SPRYD4: variants seen among roughly 807,000 people sequenced by gnomAD.
SPRYD4 encodes the protein SPRY domain-containing protein 4.
SPRYD4 carries 12 observed loss-of-function variants against 16.6 expected under a neutral mutation model. The ratio of observed to expected loss-of-function variants is 0.72; its 90% CI spans 0.46 to 1.17. The LOEUF is 1.17. Among genes scored for constraint, SPRYD4 ranks in the 50% most tolerant of loss-of-function variants. The probability of loss-of-function intolerance (pLI) is 0.00; values close to 1 mark genes in which losing one functional copy is unlikely to be tolerated. For synonymous variants in SPRYD4, 98 were observed against 105.4 expected, an observed-to-expected ratio of 0.93 and a Z score of 0.43; for missense variants, 260 against 260.2, an observed-to-expected ratio of 1.00 and a Z score of 0.00.
In SPRYD4 at chr12:56,479,647, A is replaced by G; in HGVS notation, c.*10070A>G. On this transcript the variant is annotated 3_prime_UTR_variant, in exon 2 of 2. Coordinates refer to ENST00000338146, the MANE Select transcript of SPRYD4 (RefSeq NM_207344.4). The stretch of plus-strand genomic sequence containing the variant: ...GAACTCTTATGATGAGTATTCATGT[A>G]TAACTTATGTAATAAGTAATAAAAT... 2 of 1,105,758 alleles carry G rather than the reference A, an allele frequency of 1.8e-6. No individual in the cohort carries two copies. Among genetic ancestry groups the G allele is most frequent in the Non-Finnish European group, 2.4e-6 (2 of 817,906 alleles). 68.5% of individuals were successfully genotyped at this position (1,105,758 alleles called of 1,614,324 possible).
chr12:56,474,226 AT>A lies in SPRYD4; in HGVS notation c.*4651del. 2.9e-6 allele frequency: 1 copy of A among 340,084 alleles called. No individual in the cohort carries two copies. Among genetic ancestry groups the A allele is most frequent in the Non-Finnish European group, 5.6e-6 (1 of 179,296 alleles). The allele number at this position is 340,084 out of a possible 1,614,324, so 21.1% of individuals were successfully genotyped here. On this transcript the variant is annotated 3_prime_UTR_variant, in exon 2 of 2. Coordinates refer to ENST00000338146, the MANE Select transcript of SPRYD4 (RefSeq NM_207344.4). ...TGCCTCAGCCTCCCAAGTAGCTGGG[AT>A]TACAGGTGCACACCACCACCCCCGG...
At position 56,471,105 on chromosome 12, in the gene SPRYD4, T is replaced by C; in HGVS notation, c.*1528T>C. 1 of 370,860 alleles carries C rather than the reference T, an allele frequency of 2.7e-6. No individual in the cohort carries two copies. Among genetic ancestry groups the C allele is most frequent in the Non-Finnish European group, 4.8e-6 (1 of 208,876 alleles). 23.0% of individuals were successfully genotyped at this position (370,860 alleles called of 1,614,324 possible). A position where few individuals can be genotyped will look rare whatever the true frequency, so the allele number is the denominator to read the frequency against. ...ATAGCCATTCCCACTTCCCATATTC[T>C]GTGGATATGTACATGTGCATGGTAG... is the stretch of plus-strand genomic sequence containing the variant. On this transcript the variant is annotated 3_prime_UTR_variant, in exon 2 of 2. Transcript: ENST00000338146.
chr12:56,477,463 A>G lies in SPRYD4; in HGVS notation c.*7886A>G. ...CAGGGAACAGTACTGAGTGGGGATG[A>G]CGGAGGTGGTGCAGTCTCTTATACT... On this transcript the variant is annotated 3_prime_UTR_variant, in exon 2 of 2. Transcript: ENST00000338146. 1.9e-6 allele frequency: 1 copy of G among 538,138 alleles called. No homozygotes were observed. The highest frequency in any genetic ancestry group is 3.3e-6 in the Non-Finnish European group (1 of 300,436). The allele number at this position is 538,138 out of a possible 1,614,324, so 33.3% of individuals were successfully genotyped here. A position where few individuals can be genotyped will look rare whatever the true frequency, so the allele number is the denominator to read the frequency against.
At position 56,471,751 on chromosome 12, in the gene SPRYD4, C is replaced by T; in HGVS notation, c.*2174C>T. ...GTGGAGAAGCTGTGCCCACCCTCCT[C>T]CACTTTTAGCCTATTCCTCACCTGT... On this transcript the variant is annotated 3_prime_UTR_variant, in exon 2 of 2. Transcript: ENST00000338146. The T allele has an allele frequency of 6.2e-7, 1 of 1,613,990 alleles. No homozygotes were observed. Among genetic ancestry groups the T allele is most frequent in the Non-Finnish European group, 8.5e-7 (1 of 1,179,880 alleles).
rs369333896 is a variant in SPRYD4 at position 56,474,926 on chromosome 12, C to G, written c.*5349C>G. On this transcript the variant is annotated 3_prime_UTR_variant, in exon 2 of 2. Coordinates refer to ENST00000338146, the MANE Select transcript of SPRYD4 (RefSeq NM_207344.4). The stretch of plus-strand genomic sequence containing the variant: ...AAGGAAGAGAGGGGAGAGCATTTCT[C>G]TTCAGGACATCAGCCCTTTCACACT... 6 of 1,614,082 alleles carry G rather than the reference C, an allele frequency of 3.7e-6. No homozygotes were observed. Among genetic ancestry groups the G allele is most frequent in the Non-Finnish European group, 5.1e-6 (6 of 1,180,004 alleles).
Position 56,478,234 on chromosome 12 carries a change from T to C in SPRYD4, c.*8657T>C, listed in dbSNP as rs1423067331. ...GACACCCCACAGGTCTGGGTTTGAC[T>C]TGGCCAGCTGAGGGATGTAGGCTGC... On this transcript the variant is annotated 3_prime_UTR_variant, in exon 2 of 2. Transcript: ENST00000338146. 1 of 1,614,192 alleles carries C rather than the reference T, an allele frequency of 6.2e-7. No individual in the cohort carries two copies. Among genetic ancestry groups the C allele is most frequent in the East Asian group, 2.2e-5 (1 of 44,888 alleles).
Position 56,478,340 on chromosome 12 carries a change from C to A in SPRYD4, c.*8763C>A. The A allele has an allele frequency of 6.8e-7, 1 of 1,474,264 alleles. No individual in the cohort carries two copies. The highest frequency in any genetic ancestry group is 9.4e-7 in the Non-Finnish European group (1 of 1,061,776). 91.3% of individuals were successfully genotyped at this position (1,474,264 alleles called of 1,614,324 possible). A position where few individuals can be genotyped will look rare whatever the true frequency, so the allele number is the denominator to read the frequency against. On this transcript the variant is annotated 3_prime_UTR_variant, in exon 2 of 2. Coordinates refer to ENST00000338146, the MANE Select transcript of SPRYD4 (RefSeq NM_207344.4). ...AGTTGAGGTTGAGGGTCAAGAGAAT[C>A]TTTTAGATAAAAGCTAAAATTCTGT...
In SPRYD4 at chr12:56,473,703, T is replaced by G; in HGVS notation, c.*4126T>G. The G allele has an allele frequency of 7.3e-7, 1 of 1,366,302 alleles. No individual in the cohort carries two copies. The highest frequency in any genetic ancestry group is 9.8e-7 in the Non-Finnish European group (1 of 1,022,370). The allele number at this position is 1,366,302 out of a possible 1,614,324, so 84.6% of individuals were successfully genotyped here. On this transcript the variant is annotated 3_prime_UTR_variant, in exon 2 of 2. Transcript: ENST00000338146. ...TTTACAAATGACTGCATGACCACAA[T>G]CCACCTCAACCTTTTGGCTTGTTAA...
rs747408410 is a variant in SPRYD4 at position 56,469,241 on chromosome 12, C to T, written c.288C>T (p.Arg96=). The part of the protein sequence containing the change: ...GRHYWEVTVK[R]SQQFRIGVAD... ...ACTACTGGGAAGTGACAGTGAAGCG[C>T]TCCCAGCAGTTCCGGATAGGAGTGG... Residue 96 remains arginine, a synonymous_variant, in exon 2 of 2, where the codon CGC becomes CGT. Coordinates refer to ENST00000338146, the MANE Select transcript of SPRYD4 (RefSeq NM_207344.4). 1.4e-5 allele frequency: 22 copies of T among 1,613,838 alleles called. No homozygotes were observed. In the East Asian group the frequency reaches 4.5e-4, roughly 33 times the overall value.
rs140662868 is a variant in SPRYD4 at position 56,479,289 on chromosome 12, G to A, written c.*9712G>A. On this transcript the variant is annotated 3_prime_UTR_variant, in exon 2 of 2. Transcript: ENST00000338146. Reference sequence around the variant, plus strand: ...GAAGGTTGAGTGGTCTTCAGGTTTGGGATCAACAGCTCTGTTACCTTTGGC... The same window carrying A: ...GAAGGTTGAGTGGTCTTCAGGTTTGAGATCAACAGCTCTGTTACCTTTGGC... 9.7e-5 allele frequency: 136 copies of A among 1,396,344 alleles called. No homozygotes were observed. The African/African-American group carries it at 1.7e-3, about 18-fold the overall frequency. 86.5% of individuals were successfully genotyped at this position (1,396,344 alleles called of 1,614,324 possible).
chr12:56,477,174 G>A lies in SPRYD4; in HGVS notation c.*7597G>A, dbSNP rs1388234074. The A allele has an allele frequency of 6.6e-6, 1 of 152,632 alleles. No individual in the cohort carries two copies. The allele number at this position is 152,632 out of a possible 1,614,324, so 9.5% of individuals were successfully genotyped here. A position where few individuals can be genotyped will look rare whatever the true frequency, so the allele number is the denominator to read the frequency against. On this transcript the variant is annotated 3_prime_UTR_variant, in exon 2 of 2. Coordinates refer to ENST00000338146, the MANE Select transcript of SPRYD4 (RefSeq NM_207344.4). ...CAGCTGCTCCCAGGTTCTTGCTCAA[G>A]CCCTGGGAGACCTACAGCTGATGGG...
In SPRYD4 at chr12:56,470,713, A is replaced by G. The variant is rs1869197552; in HGVS notation, c.*1136A>G. On this transcript the variant is annotated 3_prime_UTR_variant, in exon 2 of 2. Coordinates refer to ENST00000338146, the MANE Select transcript of SPRYD4 (RefSeq NM_207344.4). ...GGAAGGAGGCCTGAGGTTTTGCACAATCTGTTTCAGAGCCTGTTTAGACTC... is the reference window on the plus strand; with the variant it reads ...GGAAGGAGGCCTGAGGTTTTGCACAGTCTGTTTCAGAGCCTGTTTAGACTC... 6.6e-6 allele frequency: 1 copy of G among 152,144 alleles called. No homozygotes were observed. The highest frequency in any genetic ancestry group is 6.6e-5 in the Admixed American group (1 of 15,254). 9.4% of individuals were successfully genotyped at this position (152,144 alleles called of 1,614,324 possible). A position where few individuals can be genotyped will look rare whatever the true frequency, so the allele number is the denominator to read the frequency against.
In SPRYD4 at chr12:56,468,693, T is replaced by C; in HGVS notation, c.85+17T>C. On this transcript the variant is annotated intron_variant, in intron 1 of 1. Coordinates refer to ENST00000338146, the MANE Select transcript of SPRYD4 (RefSeq NM_207344.4). ...CCCAGAGAGGTAGGATTATCTCTTT[T>C]TACTCTTTTACCTCCAGAATGGCTG... is the stretch of plus-strand genomic sequence containing the variant. The C allele has an allele frequency of 6.2e-7, 1 of 1,607,266 alleles. No individual in the cohort carries two copies. The highest frequency in any genetic ancestry group is 1.3e-5 in the African/African-American group (1 of 74,956).
chr12:56,472,937 A>G lies in SPRYD4; in HGVS notation c.*3360A>G, dbSNP rs922823432. Reference sequence around the variant, plus strand: ...GAGTCTCGCTCTGTCGTTCAGGCTGAAGTGTAGTGGCGCGCGGTCTTGGCT... The same window carrying G: ...GAGTCTCGCTCTGTCGTTCAGGCTGGAGTGTAGTGGCGCGCGGTCTTGGCT... On this transcript the variant is annotated 3_prime_UTR_variant, in exon 2 of 2. Transcript: ENST00000338146. 1.2e-5 allele frequency: 7 copies of G among 580,848 alleles called. No individual in the cohort carries two copies. Among genetic ancestry groups the G allele is most frequent in the African/African-American group, 6.1e-5 (3 of 49,302 alleles). 36.0% of individuals were successfully genotyped at this position (580,848 alleles called of 1,614,324 possible).
rs1364789872 is a variant in SPRYD4, at chr12:56,476,027, G to C, written c.*6450G>C. On this transcript the variant is annotated 3_prime_UTR_variant, in exon 2 of 2. Coordinates refer to ENST00000338146, the MANE Select transcript of SPRYD4 (RefSeq NM_207344.4). ...GCATTCTAAGTGTAGGAGGATGACA[G>C]AGGGAAGGGTCAGAAGGATCTAGTG... is the stretch of plus-strand genomic sequence containing the variant. The C allele has an allele frequency of 5.7e-6, 9 of 1,577,488 alleles. No individual in the cohort carries two copies. Among genetic ancestry groups the C allele is most frequent in the Non-Finnish European group, 6.9e-6 (8 of 1,152,992 alleles).
rs1372362125 is a variant in SPRYD4, at chr12:56,475,814, A to T, written c.*6237A>T. On this transcript the variant is annotated 3_prime_UTR_variant, in exon 2 of 2. Transcript: ENST00000338146. ...CTCTCTGAGGCCAGCAGATTTCCACATTTCTGGAAATAAGGCTTCTAGTAT... is the reference window on the plus strand; with the variant it reads ...CTCTCTGAGGCCAGCAGATTTCCACTTTTCTGGAAATAAGGCTTCTAGTAT... 2.1e-6 allele frequency: 3 copies of T among 1,408,828 alleles called. No individual in the cohort carries two copies. The East Asian group carries it at 6.8e-5, about 32-fold the overall frequency. 87.3% of individuals were successfully genotyped at this position (1,408,828 alleles called of 1,614,324 possible).
rs1869094138 is a variant in SPRYD4 at position 56,468,595 on chromosome 12, G to C, written c.4G>C (p.Ala2Pro). 6.2e-7 allele frequency: 1 copy of C among 1,613,132 alleles called. No homozygotes were observed. Among genetic ancestry groups the C allele is most frequent in the East Asian group, 2.2e-5 (1 of 44,900 alleles). ...CCCGGTTCATCCAAGGCGCAAGATGGCGCTGCTTTTTGCACGTTCTTTGCG... is the reference window on the plus strand; with the variant it reads ...CCCGGTTCATCCAAGGCGCAAGATGCCGCTGCTTTTTGCACGTTCTTTGCG... M[A>P]LLFARSLRLC... Residue 2 changes from alanine to proline, a missense_variant, in exon 1 of 2, where the codon GCG becomes CCG. Transcript: ENST00000338146.
In SPRYD4 at chr12:56,477,671, A is replaced by C. The variant is rs1479943903; in HGVS notation, c.*8094A>C. 6.2e-7 allele frequency: 1 copy of C among 1,613,554 alleles called. No homozygotes were observed. Among genetic ancestry groups the C allele is most frequent in the Non-Finnish European group, 8.5e-7 (1 of 1,179,770 alleles). ...AAGGTGGCACTGACCTTGATCAGGGAGCTGACAACAATGGCACCAGCATTG... is the reference window on the plus strand; with the variant it reads ...AAGGTGGCACTGACCTTGATCAGGGCGCTGACAACAATGGCACCAGCATTG... On this transcript the variant is annotated 3_prime_UTR_variant, in exon 2 of 2. Transcript: ENST00000338146.
chr12:56,471,280 G>A lies in SPRYD4; in HGVS notation c.*1703G>A. 3.7e-6 allele frequency: 2 copies of A among 547,760 alleles called. No individual in the cohort carries two copies. Among genetic ancestry groups the A allele is most frequent in the Non-Finnish European group, 6.4e-6 (2 of 314,874 alleles). 33.9% of individuals were successfully genotyped at this position (547,760 alleles called of 1,614,324 possible). On this transcript the variant is annotated 3_prime_UTR_variant, in exon 2 of 2. Transcript: ENST00000338146. ...AGTCTCTCTGGATAGCTGTACTGCA[G>A]GTGTCCTCTGAGGCCCTTCTCTGTA...
Sources: gnomAD v4.1 joint callset for allele counts on GRCh38, gnomAD v4.1.1 for gene constraint, MANE v1.5 for transcripts, NCBI Gene and HGNC (gene_info 2026-07-23, HGNC 2026-07-21) for gene names.